MTFMT: variants seen among roughly 807,000 people sequenced by gnomAD.
The protein encoded by MTFMT is mitochondrial methionyl-tRNA formyltransferase, also known as methionyl-tRNA formyltransferase, mitochondrial.
Under a neutral mutation model 51.8 loss-of-function variants are expected in MTFMT, and 47 were observed. The observed-to-expected ratio is 0.91, with a 90% CI of 0.72 to 1.16. The LOEUF (loss-of-function observed/expected upper bound fraction) is 1.16. MTFMT is among the 50% of genes most tolerant of loss of function. The pLI, the probability that MTFMT is intolerant of heterozygous loss-of-function variation, is 0.00. For synonymous variants in MTFMT, 196 were observed against 176.7 expected, an observed-to-expected ratio of 1.11 and a Z score of -0.87; for missense variants, 512 against 482.3, an observed-to-expected ratio of 1.06 and a Z score of -0.58.
At chr15:65,021,750 C>T (rs558613675) in intron 3 of MTFMT, 134 bp from the exon 4 acceptor site, 1 of 563,360 alleles carries the variant, frequency 1.8e-6, no homozygotes, top group East Asian at 2.9e-5. Context: ...GAGGCTGAGG[C>T]AGCAGGATTG....
intron 6 of MTFMT, among the ~76,000 whole-genome samples, chr15:65,010,663 G>A (rs1302698776): frequency 6.6e-6 from 1 of 152,162 alleles, no homozygotes; most frequent in Non-Finnish European, 1.5e-5. Context: ...CTGCTATGAA[G>A]ATTCGGGTAC....
chr15:65,023,695 T>G lies in MTFMT; in HGVS notation c.519A>C (p.Thr173=), dbSNP rs201761122. Residue 173 remains threonine (T), a synonymous_variant, in exon 3 of 9, where the codon ACA becomes ACC. Transcript: ENST00000220058. ...VLHGDTVTGV[T]IMQIRPKRFD... ...ACCTTTTAGGTCTAATTTGCATAAT[T>G]GTTACTCCAGTAACTGTGTCTCCGT... The G allele has an allele frequency of 1.2e-5, 20 of 1,613,636 alleles. No individual in the cohort carries two copies. The highest frequency in any genetic ancestry group is 2.7e-5 in the African/African-American group (2 of 75,024).
intron 5 of MTFMT, 48 bp from the exon 6 acceptor site, chr15:65,016,575 A>G (rs1458781462): frequency 8.1e-7 from 1 of 1,227,616 alleles, no homozygotes; most frequent in African/African-American, 1.5e-5. Context: ...GTCAGTGTCC[A>G]TGAATTGACA....
At chr15:65,007,119 A>G (rs757253586) in intron 6 of MTFMT, among the ~76,000 whole-genome samples, 1 of 152,228 alleles carries the variant, frequency 6.6e-6, no homozygotes, top group Non-Finnish European at 1.5e-5. Context: ...GCAGGGGAAG[A>G]GCCTGGCCTC....
intron 6 of MTFMT, among the ~76,000 whole-genome samples, chr15:65,009,707 GCA>G (rs2086247786): frequency 3.3e-5 from 5 of 150,546 alleles, no homozygotes; most frequent in African/African-American, 1.2e-4. Flanking sequence ...GGCTGGAAGT[GCA>G]GTGGTGGAAT....
At chr15:65,025,535 C>T (rs1342759721) in intron 2 of MTFMT, among the ~76,000 whole-genome samples, 1 of 152,092 alleles carries the variant, frequency 6.6e-6, no homozygotes, top group East Asian at 1.9e-4. Flanking sequence ...AGAGTGGCAG[C>T]AGCGGAAGTG....
At chr15:65,007,492 T>G (rs1414814550) in intron 6 of MTFMT, among the ~76,000 whole-genome samples, 2 of 152,248 alleles carry the variant, frequency 1.3e-5, no homozygotes, top group East Asian at 3.8e-4. Context: ...TTCAATTTAT[T>G]GCTATTTATA....
chr15:65,026,746 A>T, intron 2 of MTFMT, 85 bp downstream of exon 2: 1 of 1,013,418 alleles, frequency 9.9e-7, no homozygotes, highest in Non-Finnish European at 1.5e-6. Context: ...GAAAGCATAG[A>T]GTTCAAATTA....
chr15:65,005,571 G>A (rs933525150), intron 7 of MTFMT, among the ~76,000 whole-genome samples: 3 of 151,140 alleles, frequency 2.0e-5, no homozygotes, highest in African/African-American at 4.9e-5. Flanking sequence ...AATGGGATAG[G>A]AACACTGCTT....
intron 7 of MTFMT, among the ~76,000 whole-genome samples, 165 bp downstream of exon 7, chr15:65,005,944 ATGAG>A (rs2086216538): frequency 6.6e-6 from 1 of 152,206 alleles, no homozygotes. Context: ...ATATATGAGA[ATGAG>A]TGTTGCAAAG....
At chr15:65,015,486 T>C (rs1368237039) in intron 6 of MTFMT, among the ~76,000 whole-genome samples, 1 of 152,212 alleles carries the variant, frequency 6.6e-6, no homozygotes, top group Non-Finnish European at 1.5e-5. Flanking sequence ...ATGCTATAGA[T>C]ATCCAATGGT....
At chr15:65,026,441 C>A in intron 2 of MTFMT, 1 of 245,548 alleles carries the variant, frequency 4.1e-6, no homozygotes, top group East Asian at 9.5e-5. Context: ...GGTCTATACC[C>A]TCTTTTCTTG....
chr15:65,020,202 G>GAGTC lies in MTFMT; in HGVS notation c.715_716insGACT (p.Thr239ArgfsTer6). On this transcript the variant is annotated frameshift_variant, in exon 5 of 9. Transcript: ENST00000220058. LOFTEE classifies it high-confidence loss of function. ...TCTCTGCAGCCTTCACTCACCGTAAGTCGCCCCCTCCATTGGCTGCTGCCT... is the reference window on the plus strand; with the variant it reads ...TCTCTGCAGCCTTCACTCACCGTAAGAGTCTCGCCCCCTCCATTGGCTGCTGCCT... 1 of 1,612,150 alleles carries GAGTC rather than the reference G, an allele frequency of 6.2e-7. No individual in the cohort carries two copies. Among genetic ancestry groups the GAGTC allele is most frequent in the South Asian group, 1.1e-5 (1 of 90,860 alleles).
intron 7 of MTFMT, among the ~76,000 whole-genome samples, chr15:65,005,587 A>C (rs1051028860): frequency 2.0e-5 from 3 of 148,998 alleles, no homozygotes; most frequent in African/African-American, 7.4e-5. Flanking sequence ...TGCTTTGCCT[A>C]CTCCCCAGGG....
intron 7 of MTFMT, 32 bp from the exon 8 acceptor site, chr15:65,004,968 G>A (rs1305396445): frequency 5.3e-6 from 8 of 1,508,632 alleles, no homozygotes; most frequent in Non-Finnish European, 7.4e-6. Flanking sequence ...AGATATACAA[G>A]AGAAAAAAGC....
intron 6 of MTFMT, among the ~76,000 whole-genome samples, chr15:65,012,646 T>C (rs1308370425): frequency 6.6e-6 from 1 of 152,180 alleles, no homozygotes; most frequent in African/African-American, 2.4e-5. Flanking sequence ...GTGATCCACC[T>C]GCCTCAGCCT....
intron 6 of MTFMT, among the ~76,000 whole-genome samples, chr15:65,015,150 G>T (rs8024697): frequency 0.46 from 69,332 of 151,626 alleles, 16,507 homozygotes; most frequent in South Asian, 0.63. Context: ...GATATTCCAA[G>T]GAACAAACTA....
chr15:65,029,220 C>A (rs1566945771), intron 1 of MTFMT, 185 bp downstream of exon 1: 2 of 966,268 alleles, frequency 2.1e-6, no homozygotes, highest in Non-Finnish European at 2.5e-6. Context: ...AGGTACTAGG[C>A]GCCCAAAGGC....
At chr15:65,003,392 C>T (rs1237321145) in intron 8 of MTFMT, 136 bp from the exon 9 acceptor site, 2 of 658,054 alleles carry the variant, frequency 3.0e-6, no homozygotes, top group East Asian at 2.7e-5. Flanking sequence ...CTGCAAACAG[C>T]ACTACACTAA....
Sources: gnomAD v4.1 joint callset for allele counts (sites outside exome capture counted in the v4.1 genomes callset) on GRCh38, gnomAD v4.1.1 for gene constraint, MANE v1.5 for transcripts, NCBI Gene and HGNC (gene_info 2026-07-23, HGNC 2026-07-21) for gene names.